The following NUP155 variants were observed in gnomAD, a reference collection of about 807,000 sequenced individuals.
NUP155 encodes the protein nuclear pore complex protein Nup155.
NUP155 carries 71 observed loss-of-function variants against 180.4 expected under a neutral mutation model. The observed-to-expected ratio is 0.39, with a 90% CI of 0.33 to 0.48. The LOEUF is 0.48. NUP155 is among the 20% of genes least tolerant of loss of function. The probability of loss-of-function intolerance (pLI) is 0.91; values close to 1 mark genes in which losing one functional copy is unlikely to be tolerated. For missense variants in NUP155, 1,553 were observed against 1,648.9 expected (o/e 0.94, Z 1.01); for synonymous variants, 582 against 559.5 (o/e 1.04, Z -0.57).
Position 37,364,236 on chromosome 5 carries a change from T to C in NUP155, c.295+11A>G. 1 of 1,597,530 alleles carries C rather than the reference T, an allele frequency of 6.3e-7. No individual in the cohort carries two copies. Among genetic ancestry groups the C allele is most frequent in the Non-Finnish European group, 8.6e-7 (1 of 1,165,038 alleles). ...TAACATTTTTAAAATAAATACAAAGTAATAGGATACGTCCAAACTGCTCAA... is the reference window on the plus strand; with the variant it reads ...TAACATTTTTAAAATAAATACAAAGCAATAGGATACGTCCAAACTGCTCAA... On this transcript the variant is annotated intron_variant, in intron 2 of 34. Transcript: ENST00000231498.
chr5:37,353,251 C>CAT (rs369938145), intron 4 of NUP155, among the ~76,000 whole-genome samples: 4,455 of 151,376 alleles, frequency 0.029, 219 homozygotes, highest in African/African-American at 0.099. Context: ...AAAAAAATGA[C>CAT]ATATATATAT....
intron 18 of NUP155, among the ~76,000 whole-genome samples, chr5:37,326,350 C>G (rs1744599464): frequency 6.6e-6 from 1 of 152,124 alleles, no homozygotes; most frequent in Admixed American, 6.6e-5. Flanking sequence ...AGACTGATTG[C>G]AAAAACAACC....
At chr5:37,320,572 ATC>A (rs1442770276) in intron 20 of NUP155, among the ~76,000 whole-genome samples, 14 of 152,238 alleles carry the variant, frequency 9.2e-5, no homozygotes, top group African/African-American at 3.1e-4. Flanking sequence ...AGATGAAACT[ATC>A]TCTGTTTGCA....
chr5:37,349,676 T>C (rs1037438004), intron 7 of NUP155, among the ~76,000 whole-genome samples: 2 of 152,194 alleles, frequency 1.3e-5, no homozygotes, highest in East Asian at 3.8e-4. Flanking sequence ...TTTGGCCTAA[T>C]TGATTGTGTG....
chr5:37,336,866 C>T (rs1354798774), intron 12 of NUP155, among the ~76,000 whole-genome samples: 1 of 152,150 alleles, frequency 6.6e-6, no homozygotes, highest in Non-Finnish European at 1.5e-5. Context: ...TTTTTCCAGT[C>T]CCATCTGGAA....
chr5:37,357,547 A>C (rs1423172602), intron 4 of NUP155, among the ~76,000 whole-genome samples: 3 of 152,162 alleles, frequency 2.0e-5, no homozygotes, highest in Admixed American at 6.6e-5. Context: ...GTAAAAAGCA[A>C]ATAAAATAAA....
At chr5:37,299,622 T>C (rs1742758881) in intron 30 of NUP155, 54 bp from the exon 31 acceptor site, 4 of 1,564,246 alleles carry the variant, frequency 2.6e-6, no homozygotes. Flanking sequence ...CATTCAGAGA[T>C]TAATAGTGAA....
intron 1 of NUP155, among the ~76,000 whole-genome samples, chr5:37,365,539 C>G (rs1296962899): frequency 3.3e-5 from 5 of 150,884 alleles, no homozygotes; most frequent in Non-Finnish European, 7.4e-5. Context: ...AACCCTGTCT[C>G]CACTAAAAAT....
At chr5:37,345,358 AT>A (rs1746008481) in intron 9 of NUP155, among the ~76,000 whole-genome samples, 1 of 151,864 alleles carries the variant, frequency 6.6e-6, no homozygotes, top group African/African-American at 2.4e-5. Context: ...AATACAAAAA[AT>A]TAGCCAGATG....
chr5:37,296,102 G>A (rs1742548179), intron 32 of NUP155, among the ~76,000 whole-genome samples: 2 of 149,850 alleles, frequency 1.3e-5, no homozygotes, highest in South Asian at 2.1e-4. Context: ...GGAGGTGAGG[G>A]GCACCTCTGC....
At chr5:37,352,714 C>A in intron 5 of NUP155, 23 bp downstream of exon 5, 1 of 1,508,714 alleles carries the variant, frequency 6.6e-7, no homozygotes, top group Non-Finnish European at 9.2e-7. Context: ...TTTTAAAAAA[C>A]GTTAACATGT....
At chr5:37,348,024 C>T (rs1396060535) in intron 9 of NUP155, among the ~76,000 whole-genome samples, 2 of 152,128 alleles carry the variant, frequency 1.3e-5, no homozygotes, top group Admixed American at 6.6e-5. Context: ...ATCCCAACTA[C>T]TCGGGAGGCT....
chr5:37,346,018 A>G (rs1746060015), intron 9 of NUP155, among the ~76,000 whole-genome samples: 1 of 152,082 alleles, frequency 6.6e-6, no homozygotes, highest in African/African-American at 2.4e-5. Flanking sequence ...ACAGAAAATT[A>G]TGTGTTTTCA....
chr5:37,335,617 AAATAAG>A (rs999859653), intron 12 of NUP155, among the ~76,000 whole-genome samples: 2 of 152,152 alleles, frequency 1.3e-5, no homozygotes, highest in African/African-American at 4.8e-5. Context: ...TATCTCCTAA[AAATAAG>A]AATGTTTTCT....
chr5:37,337,146 G>A (rs984447808), intron 12 of NUP155, among the ~76,000 whole-genome samples: 10 of 152,130 alleles, frequency 6.6e-5, no homozygotes, highest in African/African-American at 2.2e-4. Flanking sequence ...GCAGCTGGGG[G>A]CAGGGGCAGT....
At chr5:37,316,613 C>T (rs916642191) in intron 21 of NUP155, among the ~76,000 whole-genome samples, 3 of 151,624 alleles carry the variant, frequency 2.0e-5, no homozygotes, top group Admixed American at 6.6e-5. Context: ...TACAGGTGCC[C>T]GCCACCACGC....
chr5:37,319,747 T>C (rs1488129688), intron 20 of NUP155, among the ~76,000 whole-genome samples: 5 of 152,154 alleles, frequency 3.3e-5, no homozygotes, highest in African/African-American at 1.2e-4. Context: ...AGCATGTGCC[T>C]GTAGTCCCAA....
intron 11 of NUP155, among the ~76,000 whole-genome samples, chr5:37,338,337 A>AAT (rs1745484413): frequency 6.7e-6 from 1 of 149,556 alleles, no homozygotes; most frequent in Non-Finnish European, 1.5e-5. Flanking sequence ...AAAAAAAAAA[A>AAT]TTTTACAAAA....
At chr5:37,313,403 G>A (rs1454661188) in intron 22 of NUP155, among the ~76,000 whole-genome samples, 2 of 151,692 alleles carry the variant, frequency 1.3e-5, no homozygotes, top group Non-Finnish European at 2.9e-5. Context: ...TGCAGCCTGG[G>A]CGACAGAGTG....
Sources: allele counts gnomAD v4.1 joint callset (sites outside exome capture counted in the v4.1 genomes callset), GRCh38; gene constraint gnomAD v4.1.1; transcripts MANE v1.5; gene names NCBI Gene and HGNC (gene_info 2026-07-23, HGNC 2026-07-21).